Variants in GALNT13 observed in about 807,000 individuals in gnomAD.
GALNT13 encodes the protein polypeptide N-acetylgalactosaminyltransferase 13.
In GALNT13, 28 loss-of-function variants were observed where a neutral mutation model predicts 64.2. The ratio of observed to expected loss-of-function variants is 0.44; its 90% CI spans 0.32 to 0.60. GALNT13 has a LOEUF of 0.60. GALNT13 is among the 20% of genes least tolerant of loss of function. The probability of loss-of-function intolerance (pLI) is 0.05; values close to 1 mark genes in which losing one functional copy is unlikely to be tolerated. For synonymous variants in GALNT13, 214 were observed against 224.6 expected, an observed-to-expected ratio of 0.95 and a Z score of 0.42; for missense variants, 577 against 669.8, an observed-to-expected ratio of 0.86 and a Z score of 1.53.
intron 9 of GALNT13, among the ~76,000 whole-genome samples, chr2:154,332,813 T>C (rs1695238728): frequency 1.3e-5 from 2 of 152,290 alleles, no homozygotes; most frequent in African/African-American, 2.4e-5. Flanking sequence ...AGTTTTCTTA[T>C]GTGATAAAAG....
intron 2 of GALNT13, among the ~76,000 whole-genome samples, chr2:153,908,223 G>A (rs565472892): frequency 2.0e-5 from 3 of 152,024 alleles, no homozygotes; most frequent in Non-Finnish European, 2.9e-5. Flanking sequence ...CATGTCCTCC[G>A]CCCACTGTTT....
chr2:153,881,942 A>G (rs1686812865), intron 1 of GALNT13, among the ~76,000 whole-genome samples: 1 of 152,132 alleles, frequency 6.6e-6, no homozygotes, highest in Admixed American at 6.6e-5. Context: ...GTGACATGCA[A>G]TAGTGTAATA....
At chr2:153,353,403 C>A in the GALNT13 span, among the ~76,000 whole-genome samples, 1 of 152,070 alleles carries the variant, frequency 6.6e-6, no homozygotes, top group Non-Finnish European at 1.5e-5. Context: ...TGAACAAACA[C>A]AATTTAATTT....
the GALNT13 span, among the ~76,000 whole-genome samples, chr2:153,424,627 G>A: frequency 6.6e-6 from 1 of 151,792 alleles, no homozygotes; most frequent in East Asian, 1.9e-4. Flanking sequence ...CCAAGTGTTG[G>A]GAAACCAGGT....
chr2:154,456,543 G>C (rs922332072), downstream of GALNT13, among the ~76,000 whole-genome samples: 5 of 151,918 alleles, frequency 3.3e-5, no homozygotes, highest in Non-Finnish European at 7.4e-5. Context: ...AAATGATTAA[G>C]TGCCTATGAA....
At chr2:154,424,021 A>C (rs1177746853) in intron 11 of GALNT13, among the ~76,000 whole-genome samples, 1 of 152,224 alleles carries the variant, frequency 6.6e-6, no homozygotes, top group Admixed American at 6.5e-5. Flanking sequence ...GAGATATTCT[A>C]TAAAGTGCCT....
intron 3 of GALNT13, among the ~76,000 whole-genome samples, chr2:154,001,650 A>G (rs747929476): frequency 2.6e-5 from 4 of 152,016 alleles, no homozygotes; most frequent in Non-Finnish European, 4.4e-5. Context: ...GGTAGCTATT[A>G]TAATTAATAA....
At chr2:153,619,626 A>G in the GALNT13 span, among the ~76,000 whole-genome samples, 1 of 152,094 alleles carries the variant, frequency 6.6e-6, no homozygotes, top group South Asian at 2.1e-4. Flanking sequence ...GAAGTATCCC[A>G]TCTGGTATTA....
intron 3 of GALNT13, among the ~76,000 whole-genome samples, chr2:154,123,984 A>C (rs973644398): frequency 3.9e-5 from 6 of 152,084 alleles, no homozygotes. Context: ...ATTGAACTGC[A>C]AACAAAAAAT....
At chr2:153,172,050 C>T in the GALNT13 span, 1 of 152,108 alleles carries the variant, frequency 6.6e-6, no homozygotes, top group Non-Finnish European at 1.5e-5. Flanking sequence ...TAGTGCAGGA[C>T]ATTTGGGAAG....
chr2:154,217,093 A>G (rs1403149775), intron 4 of GALNT13, among the ~76,000 whole-genome samples: 1 of 151,814 alleles, frequency 6.6e-6, no homozygotes, highest in African/African-American at 2.4e-5. Flanking sequence ...CACTAGCCTC[A>G]TTTCTCTTTT....
At chr2:154,442,390 C>T (rs955040007) in intron 12 of GALNT13, among the ~76,000 whole-genome samples, 1 of 152,040 alleles carries the variant, frequency 6.6e-6, no homozygotes, top group African/African-American at 2.4e-5. Flanking sequence ...ACACCCCTAA[C>T]TAAATAGTCC....
At chr2:153,529,340 T>G in the GALNT13 span, among the ~76,000 whole-genome samples, 1 of 151,960 alleles carries the variant, frequency 6.6e-6, no homozygotes, top group African/African-American at 2.4e-5. Flanking sequence ...TACACAGATA[T>G]GACCTGCCCA....
At chr2:153,907,118 T>C (rs1301339113) in intron 2 of GALNT13, among the ~76,000 whole-genome samples, 1 of 152,012 alleles carries the variant, frequency 6.6e-6, no homozygotes, top group Non-Finnish European at 1.5e-5. Context: ...GTAAATTTGT[T>C]TGAGTTCATT....
At chr2:154,154,298 G>A (rs1254994979) in intron 4 of GALNT13, among the ~76,000 whole-genome samples, 1 of 152,178 alleles carries the variant, frequency 6.6e-6, no homozygotes, top group African/African-American at 2.4e-5. Context: ...GGAAAATGAT[G>A]ATACAGTTCA....
At chr2:153,117,255 G>A in the GALNT13 span, among the ~76,000 whole-genome samples, 23 of 152,120 alleles carry the variant, frequency 1.5e-4, no homozygotes, top group African/African-American at 5.1e-4. Flanking sequence ...GTACTTATAA[G>A]GTAAGAAAGG....
chr2:153,705,248 T>C, the GALNT13 span, among the ~76,000 whole-genome samples: 1 of 152,198 alleles, frequency 6.6e-6, no homozygotes, highest in African/African-American at 2.4e-5. Context: ...GTAAGTCGCT[T>C]TCCTCAGTTT....
chr2:153,686,809 G>A, the GALNT13 span, among the ~76,000 whole-genome samples: 1 of 151,826 alleles, frequency 6.6e-6, no homozygotes, highest in Non-Finnish European at 1.5e-5. Flanking sequence ...TGTTGACTAT[G>A]TTCCCTTTAA....
chr2:153,850,005 C>CAA, the GALNT13 span, among the ~76,000 whole-genome samples: 13 of 84,692 alleles, frequency 1.5e-4, no homozygotes, highest in East Asian at 7.5e-4. Flanking sequence ...ACTAAAAATA[C>CAA]AAAAAAAAAA....
Sources: gnomAD v4.1 joint callset for allele counts (sites outside exome capture counted in the v4.1 genomes callset) on GRCh38, gnomAD v4.1.1 for gene constraint, MANE v1.5 for transcripts, NCBI Gene and HGNC (gene_info 2026-07-23, HGNC 2026-07-21) for gene names.